KRABD4: variants seen among roughly 807,000 people sequenced by gnomAD.
KRABD4 encodes KRAB domain-containing protein 4.
At chrX:46,467,152 G>A in the KRABD4 span, among the ~76,000 whole-genome samples, 1 of 112,123 alleles carries the variant, frequency 8.9e-6, no homozygotes, top group Non-Finnish European at 1.9e-5. Flanking sequence ...GAGTGAAGCT[G>A]GTGAACATTC....
chrX:46,464,055 CA>C, the KRABD4 span, among the ~76,000 whole-genome samples: 3 of 100,156 alleles, frequency 3.0e-5, no homozygotes, highest in African/African-American at 1.1e-4. Flanking sequence ...TTTACTTTTT[CA>C]AAAAAAAAAA....
the KRABD4 span, chrX:46,455,953 A>C: frequency 3.2e-6 from 1 of 312,006 alleles, no homozygotes; most frequent in Non-Finnish European, 6.0e-6. Context: ...CCATCTGTAG[A>C]ATTCTGAACG....
chrX:46,455,333 C>G, the KRABD4 span: 1 of 522,999 alleles, frequency 1.9e-6, no homozygotes, highest in African/African-American at 2.3e-5. Flanking sequence ...CTGTCAATAT[C>G]TATATCATCT....
the KRABD4 span, among the ~76,000 whole-genome samples, chrX:46,450,868 A>T: frequency 9.2e-6 from 1 of 108,967 alleles, no homozygotes; most frequent in Non-Finnish European, 1.9e-5. Context: ...ACGCCTGGCT[A>T]ATTTTTGTAT....
chrX:46,451,857 T>C, the KRABD4 span, among the ~76,000 whole-genome samples: 2 of 112,760 alleles, frequency 1.8e-5, no homozygotes, highest in African/African-American at 6.4e-5. Context: ...AATAGAACAT[T>C]AACAAATTGC....
chrX:46,459,822 C>T, the KRABD4 span, among the ~76,000 whole-genome samples: 1 of 111,968 alleles, frequency 8.9e-6, no homozygotes, highest in African/African-American at 3.2e-5. Flanking sequence ...ACACTTCTGA[C>T]ACCATATGTA....
At chrX:46,450,401 G>A in the KRABD4 span, 35 of 1,024,711 alleles carry the variant, frequency 3.4e-5, no homozygotes, top group African/African-American at 1.1e-4. Flanking sequence ...TGTACCTACC[G>A]AATGTACTCT....
the KRABD4 span, chrX:46,457,306 CTG>C: frequency 2.6e-5 from 4 of 154,399 alleles, 1 homozygote; most frequent in Admixed American, 3.4e-4. Flanking sequence ...TCAGATTAAA[CTG>C]TATTAAAATG....
chrX:46,458,735 A>G, the KRABD4 span, among the ~76,000 whole-genome samples: 1 of 111,974 alleles, frequency 8.9e-6, no homozygotes, highest in Non-Finnish European at 1.9e-5. Context: ...TTTCCAAAGC[A>G]GTTCTATTCA....
the KRABD4 span, among the ~76,000 whole-genome samples, chrX:46,451,457 C>G: frequency 3.6e-5 from 4 of 111,817 alleles, no homozygotes; most frequent in South Asian, 1.5e-3. Context: ...GTATGGATGT[C>G]TTAATATCAT....
the KRABD4 span, chrX:46,453,986 T>C: frequency 8.9e-6 from 1 of 112,495 alleles, no homozygotes; most frequent in Admixed American, 9.4e-5. Flanking sequence ...TTCCTGTAAA[T>C]GTACATCTTA....
At chrX:46,468,015 G>T in the KRABD4 span, among the ~76,000 whole-genome samples, 2 of 111,267 alleles carry the variant, frequency 1.8e-5, no homozygotes, top group South Asian at 3.8e-4. Context: ...GGGTAACAGA[G>T]ATTTTTTCTG....
chrX:46,457,988 C>G, the KRABD4 span, among the ~76,000 whole-genome samples: 1 of 111,495 alleles, frequency 9.0e-6, no homozygotes, highest in South Asian at 3.7e-4. Flanking sequence ...GTGGTCCACC[C>G]GCCTTGGCCT....
chrX:46,463,191 C>T, the KRABD4 span: 13 of 1,206,216 alleles, frequency 1.1e-5, no homozygotes, highest in Admixed American at 6.5e-5. Flanking sequence ...TCATTTCCCC[C>T]GAACAGGGTA....
At chrX:46,454,963 G>C in the KRABD4 span, 2 of 228,923 alleles carry the variant, frequency 8.7e-6, no homozygotes, top group Non-Finnish European at 1.5e-5. Context: ...CCAAAAGATT[G>C]GACACCCCTG....
At chrX:46,451,878 T>G in the KRABD4 span, among the ~76,000 whole-genome samples, 1 of 112,891 alleles carries the variant, frequency 8.9e-6, no homozygotes, top group Admixed American at 9.3e-5. Context: ...ATTGGGCATT[T>G]CAAAAGCAAA....
At chrX:46,454,116 C>T in the KRABD4 span, 2 of 151,425 alleles carry the variant, frequency 1.3e-5, no homozygotes, top group Non-Finnish European at 2.8e-5. Context: ...TTTCTTCTAC[C>T]TCATTTGTTC....
the KRABD4 span, chrX:46,454,169 GGAGA>G: frequency 6.1e-6 from 1 of 164,931 alleles, no homozygotes; most frequent in Non-Finnish European, 1.3e-5. Flanking sequence ...TGGTGGTAAA[GGAGA>G]GAGATCTAGC....
At chrX:46,467,268 T>C in the KRABD4 span, among the ~76,000 whole-genome samples, 1 of 111,849 alleles carries the variant, frequency 8.9e-6, no homozygotes, top group Non-Finnish European at 1.9e-5. Flanking sequence ...TTATAAGACA[T>C]TGGGCCGGGT....
Sources: gnomAD v4.1 joint callset for allele counts (sites outside exome capture counted in the v4.1 genomes callset) on GRCh38, gnomAD v4.1.1 for gene constraint, MANE v1.5 for transcripts, NCBI Gene and HGNC (gene_info 2026-07-23, HGNC 2026-07-21) for gene names.